The following ZFYVE26 variants were observed in gnomAD, a reference collection of about 807,000 sequenced individuals.
ZFYVE26 encodes zinc finger FYVE-type containing 26, also known as zinc finger FYVE domain-containing protein 26.
A neutral mutation model predicts 276.5 loss-of-function variants in ZFYVE26; 181 were observed. That is an observed-to-expected ratio of 0.65 (90% CI 0.58 to 0.74). The LOEUF (loss-of-function observed/expected upper bound fraction) is 0.74. Ranked by LOEUF, ZFYVE26 falls within the 30% of genes least tolerant of loss-of-function variation. The pLI is 0.00. For synonymous variants in ZFYVE26, 1,129 were observed against 1,203.1 expected (o/e 0.94, Z 1.27); for missense variants, 2,821 against 3,097.9 (o/e 0.91, Z 2.12).
At position 67,804,233 on chromosome 14, in the gene ZFYVE26, G is replaced by C; in HGVS notation, c.1303C>G (p.His435Asp). 6.2e-7 allele frequency: 1 copy of C among 1,614,194 alleles called. No individual in the cohort carries two copies. The highest frequency in any genetic ancestry group is 8.5e-7 in the Non-Finnish European group (1 of 1,180,036). ...GAGTGGCTGTCTCCACCGTGTAAAT[G>C]ATACAACAGATCTCTCTTTGGTATG... ...NPIPKRDLLY[H>D]LHGGDSHSVL... The change falls in exon 9 of 42, where the codon CAT becomes GAT. Residue 435 changes from histidine to aspartate, a missense_variant. Physicochemically the swap from His to Asp is moderately conservative, Grantham distance 81. Transcript: ENST00000347230.
intron 16 of ZFYVE26, among the ~76,000 whole-genome samples, chr14:67,788,730 C>A (rs530061544): frequency 2.0e-5 from 3 of 152,192 alleles, no homozygotes; most frequent in Admixed American, 2.0e-4. Context: ...CTACTCATAT[C>A]ATAACCTATT....
Position 67,740,818 on chromosome 14 carries a change from G to A in ZFYVE26, n.2679+10234C>T, listed in dbSNP as rs192804773. On this transcript the variant is annotated intron_variant and non_coding_transcript_variant, in intron 13 of 14. Transcript: ENST00000394455. The stretch of plus-strand genomic sequence containing the variant: ...AGCTACTCAGGAGACTGAGGCAGGA[G>A]AATCATTTGAACCTAGCGGGGCAGA... 8.5e-5 allele frequency among the ~76,000 whole-genome samples: 13 copies of A among 152,072 alleles called. No homozygotes were observed. The East Asian group carries it at 2.5e-3, about 29-fold the overall frequency.
intron 32 of ZFYVE26, among the ~76,000 whole-genome samples, chr14:67,763,914 G>C (rs1239019249): frequency 6.6e-6 from 1 of 152,174 alleles, no homozygotes; most frequent in African/African-American, 2.4e-5. Context: ...AGAGAGCACA[G>C]ATTCAGTATC....
intron 16 of ZFYVE26, among the ~76,000 whole-genome samples, chr14:67,788,375 GA>G (rs1353774335): frequency 6.6e-6 from 1 of 152,180 alleles, no homozygotes; most frequent in Non-Finnish European, 1.5e-5. Flanking sequence ...CAGCCTGGGG[GA>G]CAGAGCGAGA....
chr14:67,772,494 G>C (rs1437037855), intron 27 of ZFYVE26, among the ~76,000 whole-genome samples: 1 of 152,152 alleles, frequency 6.6e-6, no homozygotes, highest in African/African-American at 2.4e-5. Context: ...GGAAATTCTG[G>C]GGATGAAGAC....
rs117367857 is a variant in ZFYVE26 at position 67,789,528 on chromosome 14, C to T, written c.2826G>A (p.Met942Ile). 18,072 of 1,614,134 alleles carry T rather than the reference C, an allele frequency of 0.011. 154 individuals are homozygous for T. The highest frequency in any genetic ancestry group is 0.013 in the Non-Finnish European group (15,585 of 1,180,032). The change falls in exon 16 of 42, where the codon ATG (methionine) becomes ATA (isoleucine). Residue 942 changes from methionine (M) to isoleucine (I), a missense_variant. Met to Ile is a conservative substitution (Grantham distance 10). Coordinates refer to ENST00000347230, the MANE Select transcript of ZFYVE26 (RefSeq NM_015346.4). ...TGCTTATCCAAAAGTCCTCCTGGAGCATGGGGATGGGGTCTCCAGAGGTGT... is the reference window on the plus strand; with the variant it reads ...TGCTTATCCAAAAGTCCTCCTGGAGTATGGGGATGGGGTCTCCAGAGGTGT... ...LLNTSGDPIPMLQEDFWISTA... is the reference protein window; with the variant it reads ...LLNTSGDPIPILQEDFWISTA...
At chr14:67,729,961 G>T in intron 13 of ZFYVE26, 1 of 378,172 alleles carries the variant, frequency 2.6e-6, no homozygotes, top group South Asian at 2.0e-5. Flanking sequence ...CTGCTCTGTT[G>T]TCCCGCTTTG....
intron 37 of ZFYVE26, 133 bp from the exon 38 acceptor site, chr14:67,754,345 G>A (rs919362672): frequency 5.6e-6 from 7 of 1,247,218 alleles, no homozygotes; most frequent in African/African-American, 4.4e-5. Flanking sequence ...GAGACCTCAA[G>A]TACCTTGTGA....
intron 41 of ZFYVE26, 42 bp from the exon 42 acceptor site, chr14:67,748,681 C>T (rs1410833013): frequency 6.2e-7 from 1 of 1,606,368 alleles, no homozygotes; most frequent in Non-Finnish European, 8.5e-7. Context: ...GCATCCATCA[C>T]CGACAAATCA....
intron 12 of ZFYVE26, among the ~76,000 whole-genome samples, chr14:67,794,929 A>T (rs552599329): frequency 6.6e-6 from 1 of 152,320 alleles, no homozygotes; most frequent in African/African-American, 2.4e-5. Flanking sequence ...AGCCTGGGTG[A>T]CAGAGCAAGA....
exon 14 of ZFYVE26, chr14:67,729,796 C>T (rs1313091032): frequency 2.0e-6 from 1 of 496,388 alleles, no homozygotes; most frequent in Non-Finnish European, 4.0e-6. Context: ...CTCTGTCCCT[C>T]AATGCTGCCA....
rs780232384 is a variant in ZFYVE26, at chr14:67,798,432, G to A, written c.1830C>T (p.Pro610=). Residue 610 remains proline, a synonymous_variant, in exon 11 of 42, where the codon CCC becomes CCT. Transcript: ENST00000347230. The part of the protein sequence containing the change: ...AEDDDIEGKS[P]SGLRSPSESP... ...TCTCTGATGGGGACCTCAAACCTGA[G>A]GGGCTCTTCCCCTCAATGTCATCAT... 1 of 1,614,024 alleles carries A rather than the reference G, an allele frequency of 6.2e-7. No homozygotes were observed. Among genetic ancestry groups the A allele is most frequent in the South Asian group, 1.1e-5 (1 of 91,080 alleles).
intron 10 of ZFYVE26, chr14:67,799,055 G>C (rs2040025951): frequency 8.4e-7 from 1 of 1,184,112 alleles, no homozygotes; most frequent in Admixed American, 1.7e-5. Context: ...ACAGAGAGCA[G>C]TGTACGATGA....
At position 67,804,100 on chromosome 14, in the gene ZFYVE26, C is replaced by T; in HGVS notation, c.1435+1G>A. 1.2e-6 allele frequency: 2 copies of T among 1,614,128 alleles called. No homozygotes were observed. The highest frequency in any genetic ancestry group is 1.1e-5 in the South Asian group (1 of 91,074). ...GGCCAGGTCATTCCATCCCAACTCA[C>T]CAGGCTCTTGCTGGGGGTCCTTGGC... On this transcript the variant is annotated splice_donor_variant, in intron 9 of 41. Coordinates refer to ENST00000347230, the MANE Select transcript of ZFYVE26 (RefSeq NM_015346.4). LOFTEE classifies it high-confidence loss of function.
chr14:67,762,868 A>G (rs746451367), intron 32 of ZFYVE26, 49 bp from the exon 33 acceptor site: 2 of 1,609,632 alleles, frequency 1.2e-6, no homozygotes, highest in East Asian at 2.2e-5. Context: ...GTGTCTTACT[A>G]AGAGTAGCCG....
intron 23 of ZFYVE26, 104 bp downstream of exon 23, chr14:67,780,137 T>A (rs889345634): frequency 1.8e-6 from 2 of 1,131,226 alleles, no homozygotes; most frequent in African/African-American, 3.1e-5. Flanking sequence ...AGTTATTTTT[T>A]TAAAAAGTGA....
intron 35 of ZFYVE26, 166 bp downstream of exon 35, chr14:67,761,200 T>A: frequency 1.4e-6 from 1 of 730,064 alleles, no homozygotes; most frequent in Non-Finnish European, 2.4e-6. Flanking sequence ...ACTCACTGAA[T>A]AACAGTTGTG....
intron 14 of ZFYVE26, among the ~76,000 whole-genome samples, chr14:67,791,190 A>G (rs944128761): frequency 6.6e-6 from 1 of 152,230 alleles, no homozygotes; most frequent in African/African-American, 2.4e-5. Flanking sequence ...GGCAATCCAT[A>G]AAGCTTTAAA....
At position 67,733,735 on chromosome 14, in the gene ZFYVE26, C is replaced by T. The variant is rs754471567; in HGVS notation, n.2680-3916G>A. ...CATTCCTGGAATTTACTGTCTTTCT[C>T]TGCCCTCCAGTGACTGCAAGAGGAC... On this transcript the variant is annotated intron_variant and non_coding_transcript_variant, in intron 13 of 14. Coordinates refer to the ZFYVE26 transcript ENST00000394455. 6.3e-6 allele frequency: 10 copies of T among 1,588,218 alleles called. No homozygotes were observed. Among genetic ancestry groups the T allele is most frequent in the Non-Finnish European group, 6.9e-6 (8 of 1,156,852 alleles).
Sources: allele counts gnomAD v4.1 joint callset (sites outside exome capture counted in the v4.1 genomes callset), GRCh38; gene constraint gnomAD v4.1.1; transcripts MANE v1.5; gene names NCBI Gene and HGNC (gene_info 2026-07-23, HGNC 2026-07-21).